The following SYN2 variants were observed in gnomAD, a reference collection of about 807,000 sequenced individuals.
SYN2 encodes synapsin-2.
Under a neutral mutation model 50.9 loss-of-function variants are expected in SYN2, and 19 were observed. The observed-to-expected ratio is 0.37, with a 90% CI of 0.26 to 0.55. The LOEUF is 0.55. Among genes scored for constraint, SYN2 ranks in the 20% least tolerant of loss-of-function variants. The pLI is 0.81. For synonymous variants in SYN2, 255 were observed against 224.9 expected (o/e 1.13, Z -1.20); for missense variants, 587 against 576.4 (o/e 1.02, Z -0.19).
At chr3:12,037,518 A>G (rs925607731) in intron 1 of SYN2, among the ~76,000 whole-genome samples, 9 of 152,218 alleles carry the variant, frequency 5.9e-5, no homozygotes, top group Admixed American at 4.6e-4. Context: ...TCCTTGCTAC[A>G]TCATAACATG....
At chr3:12,182,081 C>T (rs1304782447) in intron 10 of SYN2, among the ~76,000 whole-genome samples, 1 of 152,142 alleles carries the variant, frequency 6.6e-6, no homozygotes, top group Non-Finnish European at 1.5e-5. Flanking sequence ...AGAACAGTTC[C>T]GAGTAATGAG....
intron 4 of SYN2, 147 bp from the exon 5 acceptor site, chr3:12,151,090 G>T: frequency 1.7e-6 from 1 of 592,180 alleles, no homozygotes; most frequent in Non-Finnish European, 3.0e-6. Context: ...CTTGGAAATA[G>T]GAATTGTACA....
At chr3:12,177,273 C>T (rs775605877) in intron 10 of SYN2, among the ~76,000 whole-genome samples, 7 of 152,198 alleles carry the variant, frequency 4.6e-5, no homozygotes, top group Non-Finnish European at 8.8e-5. Context: ...TTGAATGCGT[C>T]CCAACACAAA....
chr3:12,104,228 G>T (rs547969710), intron 1 of SYN2, among the ~76,000 whole-genome samples: 1 of 152,248 alleles, frequency 6.6e-6, no homozygotes. Context: ...AAAATCCTGG[G>T]CTCAGGCAAT....
intron 1 of SYN2, among the ~76,000 whole-genome samples, chr3:12,113,197 A>T (rs866105959): frequency 2.4e-4 from 36 of 152,296 alleles, no homozygotes; most frequent in African/African-American, 8.4e-4. Flanking sequence ...CAATATCTTC[A>T]TGCAATATTT....
chr3:12,079,583 T>C (rs1695544547), intron 1 of SYN2, among the ~76,000 whole-genome samples: 1 of 152,248 alleles, frequency 6.6e-6, no homozygotes, highest in African/African-American at 2.4e-5. Flanking sequence ...TCTTTAGTTC[T>C]GTTTATGTGA....
intron 1 of SYN2, among the ~76,000 whole-genome samples, chr3:12,054,238 T>C (rs1559401264): frequency 6.6e-6 from 1 of 152,196 alleles, no homozygotes; most frequent in Non-Finnish European, 1.5e-5. Context: ...TTCCCCCTTA[T>C]GTTCTGTCTC....
At chr3:12,161,858 A>G in intron 6 of SYN2, 154 bp from the exon 7 acceptor site, 6 of 1,163,872 alleles carry the variant, frequency 5.2e-6, no homozygotes, top group Non-Finnish European at 7.1e-6. Context: ...AAGGGAAGCT[A>G]GGGAGAAGGG....
chr3:12,152,241 T>G (rs979190240), intron 5 of SYN2, among the ~76,000 whole-genome samples: 1 of 152,184 alleles, frequency 6.6e-6, no homozygotes, highest in Non-Finnish European at 1.5e-5. Context: ...AAAAACAACC[T>G]TGGGCATTGA....
chr3:12,014,207 T>G (rs1490848239), intron 1 of SYN2, among the ~76,000 whole-genome samples: 2 of 152,178 alleles, frequency 1.3e-5, no homozygotes, highest in Non-Finnish European at 1.5e-5. Flanking sequence ...TTTGCATCCT[T>G]AGCATCCAGC....
intron 10 of SYN2, among the ~76,000 whole-genome samples, chr3:12,182,496 AC>A (rs1461343108): frequency 6.6e-6 from 1 of 152,144 alleles, no homozygotes; most frequent in Non-Finnish European, 1.5e-5. Context: ...AATCAGAATC[AC>A]GGCTGGGAGA....
At chr3:12,128,830 C>T (rs987044188) in intron 1 of SYN2, among the ~76,000 whole-genome samples, 1 of 151,996 alleles carries the variant, frequency 6.6e-6, no homozygotes, top group Non-Finnish European at 1.5e-5. Flanking sequence ...AAAAAAACCC[C>T]TGAAATGTGT....
Position 12,044,181 on chromosome 3 carries a change from T to TCTCTCTCTCTCACACA in SYN2, c.377+39254_377+39255insTCTCTCTCTCACACAC, listed in dbSNP as rs573246278. Among the ~76,000 whole-genome samples, 113 of 53,382 alleles carry TCTCTCTCTCTCACACA rather than the reference T, an allele frequency of 2.1e-3. 1 individual carries two copies. The highest frequency in any genetic ancestry group is 4.9e-3 in the African/African-American group (105 of 21,610). The allele number at this position is 53,382 out of a possible 152,430, so 35.0% of individuals were successfully genotyped here. ...AAAGTTCTCTCTCTCTCTCTCTCTC[T>TCTCTCTCTCTCACACA]CACACACACACACACACACACACAC... On this transcript the variant is annotated intron_variant, in intron 1 of 12. Transcript: ENST00000621198.
chr3:12,009,033 T>TAA (rs35364833), intron 1 of SYN2, among the ~76,000 whole-genome samples: 29,342 of 152,034 alleles, frequency 0.19, 5,396 homozygotes, highest in African/African-American at 0.49. Context: ...TGAGTGGCTC[T>TAA]AAAAAATACT....
At chr3:12,059,787 C>T (rs1695074835) in intron 1 of SYN2, among the ~76,000 whole-genome samples, 3 of 151,872 alleles carry the variant, frequency 2.0e-5, no homozygotes, top group Non-Finnish European at 4.4e-5. Context: ...TCCTTTATTT[C>T]CATGCTTGGC....
intron 4 of SYN2, among the ~76,000 whole-genome samples, chr3:12,146,465 C>T (rs1194453996): frequency 6.6e-6 from 1 of 152,190 alleles, no homozygotes; most frequent in Non-Finnish European, 1.5e-5. Flanking sequence ...TAGAAAACTA[C>T]TTACTATAGG....
At chr3:12,054,526 G>A (rs1694945945) in intron 1 of SYN2, among the ~76,000 whole-genome samples, 1 of 152,118 alleles carries the variant, frequency 6.6e-6, no homozygotes, top group African/African-American at 2.4e-5. Flanking sequence ...AGATTTGTCT[G>A]ATTCAACCAA....
At chr3:12,100,909 C>T (rs1449023155) in intron 1 of SYN2, among the ~76,000 whole-genome samples, 1 of 152,034 alleles carries the variant, frequency 6.6e-6, no homozygotes, top group Non-Finnish European at 1.5e-5. Flanking sequence ...CAGGATGATG[C>T]AAATCAAAAC....
chr3:12,012,384 C>T (rs1162887497), intron 1 of SYN2, among the ~76,000 whole-genome samples: 1 of 152,154 alleles, frequency 6.6e-6, no homozygotes, highest in Non-Finnish European at 1.5e-5. Flanking sequence ...ATTTGTTTCC[C>T]TATCCAATCA....
Sources: gnomAD v4.1 joint callset for allele counts (sites outside exome capture counted in the v4.1 genomes callset) on GRCh38, gnomAD v4.1.1 for gene constraint, MANE v1.5 for transcripts, NCBI Gene and HGNC (gene_info 2026-07-23, HGNC 2026-07-21) for gene names.